TNKS: variants seen among roughly 807,000 people sequenced by gnomAD.
The protein encoded by TNKS is tankyrase, also known as poly [ADP-ribose] polymerase tankyrase-1.
A neutral mutation model predicts 135.8 loss-of-function variants in TNKS; 72 were observed. The ratio of observed to expected loss-of-function variants is 0.53; its 90% CI spans 0.44 to 0.64. TNKS has a LOEUF of 0.64. Among genes scored for constraint, TNKS ranks in the 30% least tolerant of loss-of-function variants. The probability of loss-of-function intolerance (pLI) is 0.00; values close to 1 mark genes in which losing one functional copy is unlikely to be tolerated. For synonymous variants in TNKS, 849 were observed against 649.3 expected (o/e 1.31, Z -4.68); for missense variants, 1,769 against 1,674.0 (o/e 1.06, Z -0.99).
intron 2 of TNKS, among the ~76,000 whole-genome samples, chr8:9,582,426 A>T (rs1056441400): frequency 6.6e-6 from 1 of 152,158 alleles, no homozygotes; most frequent in African/African-American, 2.4e-5. Flanking sequence ...TACTGGCCTG[A>T]TTTTTATAAA....
chr8:9,713,370 G>A (rs755798041), intron 11 of TNKS, among the ~76,000 whole-genome samples: 1 of 152,128 alleles, frequency 6.6e-6, no homozygotes, highest in Non-Finnish European at 1.5e-5. Flanking sequence ...TTCATTTTGG[G>A]AAAATAGTAT....
intron 2 of TNKS, 114 bp from the exon 3 acceptor site, chr8:9,615,468 G>C: frequency 1.4e-6 from 1 of 728,962 alleles, no homozygotes; most frequent in South Asian, 3.1e-5. Flanking sequence ...TTTCTTGAAA[G>C]AGAAAAAATT....
intron 3 of TNKS, among the ~76,000 whole-genome samples, chr8:9,626,025 T>A (rs1800042133): frequency 6.6e-6 from 1 of 152,222 alleles, no homozygotes; most frequent in Non-Finnish European, 1.5e-5. Flanking sequence ...TAATTGTAGA[T>A]TTAATTATTT....
At chr8:9,738,781 C>A (rs1199922070) in intron 17 of TNKS, among the ~76,000 whole-genome samples, 1 of 100,622 alleles carries the variant, frequency 9.9e-6, no homozygotes, top group African/African-American at 4.0e-5. Flanking sequence ...GTTATAATTT[C>A]TGTTCTTTTA....
intron 3 of TNKS, among the ~76,000 whole-genome samples, chr8:9,634,229 A>G (rs1469850990): frequency 1.3e-5 from 2 of 152,008 alleles, no homozygotes; most frequent in East Asian, 3.8e-4. Context: ...CCATTTTGGT[A>G]TAATTTTAAT....
chr8:9,768,849 CA>C (rs1730107624), intron 25 of TNKS, among the ~76,000 whole-genome samples: 1 of 152,200 alleles, frequency 6.6e-6, no homozygotes, highest in Admixed American at 6.5e-5. Context: ...CCCAGAGGAT[CA>C]TCAATAGCAT....
intron 3 of TNKS, among the ~76,000 whole-genome samples, chr8:9,674,308 G>A (rs140553218): frequency 6.6e-6 from 1 of 152,144 alleles, no homozygotes; most frequent in East Asian, 1.9e-4. Context: ...TAAACTAGTG[G>A]CAGAGCTAGA....
chr8:9,771,547 G>C (rs549647843), intron 26 of TNKS, among the ~76,000 whole-genome samples: 1 of 141,714 alleles, frequency 7.1e-6, no homozygotes, highest in Non-Finnish European at 1.5e-5. Context: ...GACTGAGAGA[G>C]GAAGCAAGGG....
In TNKS at chr8:9,780,731, TGTCA is replaced by T. The variant is rs1248390191; in HGVS notation, c.*3998_*4001del. On this transcript the variant is annotated 3_prime_UTR_variant, in exon 27 of 27. Transcript: ENST00000310430. ...CCCATTTCTTAGTGTTTGAAAGGTGTGTCAGTGAGTCGGCCATGTCTCCATGTGT... is the reference window on the plus strand; with the variant it reads ...CCCATTTCTTAGTGTTTGAAAGGTGTGTGAGTCGGCCATGTCTCCATGTGT... 6.6e-6 allele frequency: 1 copy of T among 152,218 alleles called. No homozygotes were observed. The highest frequency in any genetic ancestry group is 2.4e-5 in the African/African-American group (1 of 41,480). The allele number at this position is 152,218 out of a possible 1,614,324, so 9.4% of individuals were successfully genotyped here.
At chr8:9,568,337 A>T (rs1238712810) in intron 1 of TNKS, among the ~76,000 whole-genome samples, 1 of 152,174 alleles carries the variant, frequency 6.6e-6, no homozygotes, top group Non-Finnish European at 1.5e-5. Flanking sequence ...TGGGAATGGA[A>T]TGTTTCCTGC....
intron 5 of TNKS, among the ~76,000 whole-genome samples, chr8:9,702,889 G>A (rs185373309): frequency 3.3e-5 from 5 of 152,186 alleles, no homozygotes; most frequent in South Asian, 2.1e-4. Flanking sequence ...GGTGGTGCGC[G>A]CCTGTAATCC....
At chr8:9,762,007 C>T (rs1807172297) in intron 21 of TNKS, among the ~76,000 whole-genome samples, 1 of 152,228 alleles carries the variant, frequency 6.6e-6, no homozygotes, top group South Asian at 2.1e-4. Context: ...AATGTGAACA[C>T]AATCTTTTCA....
chr8:9,577,590 T>G (rs942221444), intron 1 of TNKS, among the ~76,000 whole-genome samples: 10 of 152,084 alleles, frequency 6.6e-5, no homozygotes, highest in African/African-American at 2.2e-4. Flanking sequence ...AACCAGATCT[T>G]GTGAGAACTC....
At chr8:9,709,506 T>C (rs1804212221) in intron 9 of TNKS, among the ~76,000 whole-genome samples, 1 of 152,222 alleles carries the variant, frequency 6.6e-6, no homozygotes, top group African/African-American at 2.4e-5. Context: ...GTTCTATCAT[T>C]TTCTTGCTTA....
At chr8:9,769,604 G>C (rs1339968324) in intron 25 of TNKS, among the ~76,000 whole-genome samples, 3 of 148,682 alleles carry the variant, frequency 2.0e-5, no homozygotes, top group Non-Finnish European at 4.4e-5. Flanking sequence ...CTTACTGGCA[G>C]GCATTTTCTT....
intron 2 of TNKS, among the ~76,000 whole-genome samples, chr8:9,608,322 T>C (rs1799313820): frequency 6.6e-6 from 1 of 152,224 alleles, no homozygotes; most frequent in African/African-American, 2.4e-5. Flanking sequence ...TATCTTAATG[T>C]TATCATAAAA....
At chr8:9,576,921 C>G (rs1325845824) in intron 1 of TNKS, among the ~76,000 whole-genome samples, 2 of 151,866 alleles carry the variant, frequency 1.3e-5, no homozygotes, top group Non-Finnish European at 2.9e-5. Flanking sequence ...TATAGAAACA[C>G]AAGTGTTTAA....
At chr8:9,585,893 G>A (rs1798360456) in intron 2 of TNKS, among the ~76,000 whole-genome samples, 1 of 152,134 alleles carries the variant, frequency 6.6e-6, no homozygotes, top group South Asian at 2.1e-4. Flanking sequence ...CTGGCTGAAT[G>A]GCATTACGTA....
At chr8:9,773,595 A>ATAAGT (rs1563228189) in intron 26 of TNKS, among the ~76,000 whole-genome samples, 1 of 152,150 alleles carries the variant, frequency 6.6e-6, no homozygotes, top group Non-Finnish European at 1.5e-5. Flanking sequence ...TACTTAGAAG[A>ATAAGT]TAAGTTTAAG....
Sources: gnomAD v4.1 joint callset for allele counts (sites outside exome capture counted in the v4.1 genomes callset) on GRCh38, gnomAD v4.1.1 for gene constraint, MANE v1.5 for transcripts, NCBI Gene and HGNC (gene_info 2026-07-23, HGNC 2026-07-21) for gene names.